EPHA6: variants seen among roughly 807,000 people sequenced by gnomAD.
EPHA6 encodes EPH receptor A6, also known as ephrin type-A receptor 6.
A neutral mutation model predicts 112.0 loss-of-function variants in EPHA6; 50 were observed. The observed-to-expected ratio is 0.45, with a 90% CI of 0.36 to 0.56. EPHA6 has a LOEUF of 0.56. EPHA6 is among the 20% of genes least tolerant of loss of function. The probability of loss-of-function intolerance (pLI) is 0.00; values close to 1 mark genes in which losing one functional copy is unlikely to be tolerated. For missense variants in EPHA6, 1,280 were observed against 1,417.4 expected (o/e 0.90, Z 1.56); for synonymous variants, 529 against 490.7 (o/e 1.08, Z -1.03).
At chr3:97,566,353 G>C (rs2093266741) in intron 11 of EPHA6, among the ~76,000 whole-genome samples, 1 of 152,172 alleles carries the variant, frequency 6.6e-6, no homozygotes, top group African/African-American at 2.4e-5. Context: ...TTTGGCATGA[G>C]ATTTGGAGGG....
At chr3:97,170,813 G>A (rs62265085) in intron 3 of EPHA6, among the ~76,000 whole-genome samples, 2 of 152,044 alleles carry the variant, frequency 1.3e-5, no homozygotes, top group Admixed American at 1.3e-4. Flanking sequence ...ATTCCAAGGA[G>A]TTATACATAT....
chr3:97,596,875 A>AAAATATATAT (rs570033415), intron 12 of EPHA6, among the ~76,000 whole-genome samples: 2 of 100,408 alleles, frequency 2.0e-5, no homozygotes, highest in African/African-American at 1.1e-4. Context: ...ATATCTATGG[A>AAAATATATAT]ATATATATAT....
chr3:97,300,228 C>A (rs1355884028), intron 5 of EPHA6, among the ~76,000 whole-genome samples: 2 of 152,138 alleles, frequency 1.3e-5, no homozygotes, highest in African/African-American at 2.4e-5. Context: ...TTGCTCAGAT[C>A]TTCAGTTGTC....
At chr3:97,436,943 C>CA (rs1232125047) in intron 6 of EPHA6, among the ~76,000 whole-genome samples, 2 of 152,066 alleles carry the variant, frequency 1.3e-5, no homozygotes, top group Non-Finnish European at 2.9e-5. Flanking sequence ...AGAGATACAA[C>CA]AAGTGCATTC....
chr3:97,146,950 A>C (rs1037270238), intron 3 of EPHA6, among the ~76,000 whole-genome samples: 2 of 151,968 alleles, frequency 1.3e-5, no homozygotes, highest in Non-Finnish European at 2.9e-5. Context: ...TTAAAATGCA[A>C]ATCTTATTTG....
chr3:97,060,923 C>CAAAA lies in EPHA6; in HGVS notation c.1114+72954_1114+72957dup, dbSNP rs71623565. Among the ~76,000 whole-genome samples, 102 of 21,240 alleles carry CAAAA rather than the reference C, an allele frequency of 4.8e-3. 17 individuals carry two copies. Among genetic ancestry groups the CAAAA allele is most frequent in the Non-Finnish European group, 9.2e-3 (84 of 9,096 alleles). 13.9% of individuals were successfully genotyped at this position (21,240 alleles called of 152,430 possible). ...TGGGCGACAGAGCCAGACTCCGTCT[C>CAAAA]AAAAAAAAAAAAAAAAAAAAAAAAA... On this transcript the variant is annotated intron_variant, in intron 3 of 17. Coordinates refer to ENST00000389672, the MANE Select transcript of EPHA6 (RefSeq NM_001080448.3).
intron 5 of EPHA6, among the ~76,000 whole-genome samples, chr3:97,390,837 A>T (rs2086356421): frequency 6.6e-6 from 1 of 152,050 alleles, no homozygotes; most frequent in Non-Finnish European, 1.5e-5. Context: ...GTTTAGAATT[A>T]GTGAAAAGGC....
At position 97,468,197 on chromosome 3, in the gene EPHA6, C is replaced by T. The variant is rs572891397; in HGVS notation, c.1895-7155C>T. Reference sequence around the variant, plus strand: ...GGGTCTCTGCTTCAACAGAAATGATCCATGAGGTTTGTTTCCATTCAGCTG... The same window carrying T: ...GGGTCTCTGCTTCAACAGAAATGATTCATGAGGTTTGTTTCCATTCAGCTG... On this transcript the variant is annotated intron_variant, in intron 7 of 17. Coordinates refer to ENST00000389672, the MANE Select transcript of EPHA6 (RefSeq NM_001080448.3). 6.0e-5 allele frequency among the ~76,000 whole-genome samples: 9 copies of T among 150,494 alleles called. No individual in the cohort carries two copies. In the South Asian group the frequency reaches 8.4e-4, roughly 14 times the overall value.
chr3:97,149,750 TG>T (rs2076126224), intron 3 of EPHA6, among the ~76,000 whole-genome samples: 1 of 151,616 alleles, frequency 6.6e-6, no homozygotes, highest in African/African-American at 2.4e-5. Context: ...CAACCTGTGA[TG>T]GTTGTAAGAT....
intron 10 of EPHA6, among the ~76,000 whole-genome samples, chr3:97,522,936 C>G (rs1007198775): frequency 5.3e-5 from 8 of 151,824 alleles, no homozygotes; most frequent in African/African-American, 1.9e-4. Flanking sequence ...CTTAGTTGGT[C>G]TGGTCTGGCA....
rs2035925044 is a variant in EPHA6, at chr3:97,752,458, T to C, written c.*3757T>C. The C allele has an allele frequency of 4.5e-6, 1 of 221,468 alleles. No individual in the cohort carries two copies. Among genetic ancestry groups the C allele is most frequent in the African/African-American group, 2.2e-5 (1 of 44,732 alleles). The allele number at this position is 221,468 out of a possible 1,614,324, so 13.7% of individuals were successfully genotyped here. A position where few individuals can be genotyped will look rare whatever the true frequency, so the allele number is the denominator to read the frequency against. On this transcript the variant is annotated 3_prime_UTR_variant, in exon 18 of 18. Coordinates refer to ENST00000389672, the MANE Select transcript of EPHA6 (RefSeq NM_001080448.3). ...CCTCTTTTAATAAATTTTCTAAAAC[T>C]TTCTCAGCCCTGTTTTTAATTCCCC...
intron 11 of EPHA6, among the ~76,000 whole-genome samples, chr3:97,542,601 T>G (rs1231433124): frequency 6.6e-6 from 1 of 152,236 alleles, no homozygotes; most frequent in Non-Finnish European, 1.5e-5. Context: ...ATCCTTTGGG[T>G]ATATACCCAG....
chr3:96,957,626 A>G (rs767739128), intron 2 of EPHA6, among the ~76,000 whole-genome samples: 2 of 152,206 alleles, frequency 1.3e-5, no homozygotes, highest in African/African-American at 4.8e-5. Flanking sequence ...TTGAGAGTAC[A>G]TAATCAACTC....
At chr3:96,846,739 T>A (rs1007504114) in intron 1 of EPHA6, among the ~76,000 whole-genome samples, 2 of 152,042 alleles carry the variant, frequency 1.3e-5, no homozygotes, top group African/African-American at 4.8e-5. Context: ...TATTTACTAT[T>A]TGCCGGAAAC....
At chr3:97,431,858 C>A (rs757786413) in intron 6 of EPHA6, among the ~76,000 whole-genome samples, 7 of 152,080 alleles carry the variant, frequency 4.6e-5, no homozygotes, top group Non-Finnish European at 1.0e-4. Context: ...TTCAACATGG[C>A]AAACAGATAG....
intron 16 of EPHA6, among the ~76,000 whole-genome samples, chr3:97,742,224 C>T (rs953626998): frequency 1.3e-5 from 2 of 152,126 alleles, no homozygotes; most frequent in Non-Finnish European, 2.9e-5. Context: ...GCATCCTTCT[C>T]ATGACAACAT....
At chr3:97,446,682 C>T (rs1053016507) in intron 6 of EPHA6, among the ~76,000 whole-genome samples, 1 of 152,126 alleles carries the variant, frequency 6.6e-6, no homozygotes, top group African/African-American at 2.4e-5. Flanking sequence ...AGTAACATAT[C>T]CTCCTCTTGT....
chr3:96,980,360 G>T lies in EPHA6; in HGVS notation c.451-6970G>T, dbSNP rs535771051. On this transcript the variant is annotated intron_variant, in intron 2 of 17. Coordinates refer to ENST00000389672, the MANE Select transcript of EPHA6 (RefSeq NM_001080448.3). ...CAGGTTTGTCAAAGATCAGATGGTT[G>T]TAGATGTGTGGTATTATTTCTGAGG... 1.3e-4 allele frequency among the ~76,000 whole-genome samples: 20 copies of T among 152,262 alleles called. No individual in the cohort carries two copies. In the South Asian group the frequency reaches 3.9e-3, roughly 30 times the overall value.
At chr3:97,337,192 T>C (rs1276117945) in intron 5 of EPHA6, among the ~76,000 whole-genome samples, 1 of 152,162 alleles carries the variant, frequency 6.6e-6, no homozygotes, top group East Asian at 1.9e-4. Flanking sequence ...CAAATTATAG[T>C]GTTCCACTTT....
Sources: gnomAD v4.1 joint callset for allele counts (sites outside exome capture counted in the v4.1 genomes callset) on GRCh38, gnomAD v4.1.1 for gene constraint, MANE v1.5 for transcripts, NCBI Gene and HGNC (gene_info 2026-07-23, HGNC 2026-07-21) for gene names.